The following DNAH5 variants were observed in gnomAD, a reference collection of about 807,000 sequenced individuals.
The protein encoded by DNAH5 is dynein axonemal heavy chain 5.
Under a neutral mutation model 518.2 loss-of-function variants are expected in DNAH5, and 372 were observed. That is an observed-to-expected ratio of 0.72 (90% CI 0.66 to 0.78). The LOEUF (loss-of-function observed/expected upper bound fraction) is 0.78, where lower values mean the gene tolerates loss of function less well. Among genes scored for constraint, DNAH5 ranks in the 30% least tolerant of loss-of-function variants. The pLI, the probability that DNAH5 is intolerant of heterozygous loss-of-function variation, is 0.00. For missense variants in DNAH5, 5,523 were observed against 5,687.0 expected, an observed-to-expected ratio of 0.97 and a Z score of 0.93; for synonymous variants, 2,039 against 2,025.9, an observed-to-expected ratio of 1.01 and a Z score of -0.17.
At chr5:13,860,870 T>C (rs2151902531) in intron 29 of DNAH5, among the ~76,000 whole-genome samples, 1 of 152,322 alleles carries the variant, frequency 6.6e-6, no homozygotes, top group East Asian at 1.9e-4. Context: ...TAATATGGAC[T>C]TGAAGTCGTA....
At chr5:13,880,603 A>G (rs936537563) in intron 21 of DNAH5, among the ~76,000 whole-genome samples, 10 of 152,030 alleles carry the variant, frequency 6.6e-5, no homozygotes, top group African/African-American at 2.4e-4. Context: ...AATCAAAACT[A>G]TGTTGTTACC....
chr5:13,938,640 A>T (rs1779181005), intron 1 of DNAH5, among the ~76,000 whole-genome samples: 1 of 152,094 alleles, frequency 6.6e-6, no homozygotes, highest in African/African-American at 2.4e-5. Context: ...GGTTTCTGGC[A>T]TTCAGTGGGG....
chr5:13,883,870 C>T (rs1772003940), intron 19 of DNAH5, among the ~76,000 whole-genome samples: 1 of 151,976 alleles, frequency 6.6e-6, no homozygotes, highest in East Asian at 1.9e-4. Flanking sequence ...AAAAAAAAAT[C>T]TTTCAGAGTT....
In DNAH5 at chr5:13,800,369, C is replaced by G. The variant is rs191975405; in HGVS notation, c.7888-6311G>C. Among the ~76,000 whole-genome samples the G allele has an allele frequency of 9.2e-5, 14 of 152,254 alleles. No individual in the cohort carries two copies. In the East Asian group the frequency reaches 2.3e-3, roughly 25 times the overall value. The stretch of plus-strand genomic sequence containing the variant: ...GGTTCCATAACATCACAAAAATAAG[C>G]ATATTCAAACATAAACTCCACTTCC... On this transcript the variant is annotated intron_variant, in intron 47 of 78. Transcript: ENST00000265104.
Position 13,788,754 on chromosome 5 carries a change from T to C in DNAH5, c.8609A>G (p.Tyr2870Cys), listed in dbSNP as rs1360204851. The change falls in exon 51 of 79, where the codon TAT (tyrosine) becomes TGT (cysteine). Residue 2870 changes from tyrosine to cysteine, a missense_variant. Coordinates refer to ENST00000265104, the MANE Select transcript of DNAH5 (RefSeq NM_001369.3). ...KLLVDCGIDT[Y>C]FVDFLRDAPE... ...TGCATCTCTCAAGAAATCCACAAAA[T>C]ATGTGTCAATTCCACAATCCACCAA... 1.9e-6 allele frequency: 3 copies of C among 1,614,006 alleles called. No individual in the cohort carries two copies. The highest frequency in any genetic ancestry group is 8.5e-7 in the Non-Finnish European group (1 of 1,180,018).
At chr5:13,841,668 A>G (rs1481053097) in intron 33 of DNAH5, 24 bp downstream of exon 33, 5 of 1,564,054 alleles carry the variant, frequency 3.2e-6, no homozygotes, top group Non-Finnish European at 4.4e-6. Context: ...TACAAAACAT[A>G]CTTTCAAATT....
At chr5:13,772,728 C>G (rs1353965549) in intron 55 of DNAH5, among the ~76,000 whole-genome samples, 2 of 152,102 alleles carry the variant, frequency 1.3e-5, no homozygotes, top group African/African-American at 4.8e-5. Context: ...AATCCAGTAT[C>G]AGCCCTAGGG....
At chr5:13,919,409 T>TATA in intron 6 of DNAH5, 57 bp from the exon 7 acceptor site, 1 of 1,588,520 alleles carries the variant, frequency 6.3e-7, no homozygotes, top group South Asian at 1.1e-5. Context: ...ACGCTAAAGT[T>TATA]ATAAACAAGC....
Position 13,792,235 on chromosome 5 carries a change from A to G in DNAH5, c.8225-18T>C, listed in dbSNP as rs752988712. On this transcript the variant is annotated intron_variant, in intron 49 of 78. Coordinates refer to ENST00000265104, the MANE Select transcript of DNAH5 (RefSeq NM_001369.3). ...AATCACACCTGAAAAGGGGGAAATT[A>G]CAGCATTTTGATTAGCCATTCAAAG... 7 of 1,601,100 alleles carry G rather than the reference A, an allele frequency of 4.4e-6. No individual in the cohort carries two copies. In the South Asian group the frequency reaches 7.7e-5, roughly 18 times the overall value.
At chr5:13,829,837 G>A (rs138404294) in intron 37 of DNAH5, 133 bp from the exon 38 acceptor site, 118 of 1,116,960 alleles carry the variant, frequency 1.1e-4, no homozygotes, top group African/African-American at 3.0e-4. Context: ...TCTCAATCTC[G>A]TTTTACCTGG....
intron 65 of DNAH5, among the ~76,000 whole-genome samples, chr5:13,743,226 A>C (rs1381759260): frequency 6.6e-6 from 1 of 152,100 alleles, no homozygotes; most frequent in Non-Finnish European, 1.5e-5. Context: ...ATGATAGATA[A>C]AAGTAAAGAT....
At chr5:13,720,918 G>A in intron 71 of DNAH5, 82 bp downstream of exon 71, 7 of 1,584,114 alleles carry the variant, frequency 4.4e-6, no homozygotes, top group Non-Finnish European at 6.1e-6. Flanking sequence ...AACTCCTAAT[G>A]ATTTATATTT....
Position 13,913,514 on chromosome 5 carries a change from T to C in DNAH5, c.1536+229A>G, listed in dbSNP as rs1776271848. Among the ~76,000 whole-genome samples the C allele has an allele frequency of 2.0e-5, 3 of 152,270 alleles. No individual in the cohort carries two copies. The South Asian group carries it at 6.2e-4, about 32-fold the overall frequency. The stretch of plus-strand genomic sequence containing the variant: ...ATGCTTTTTTAATGGTGATTAATTT[T>C]AGACTATTGGAAAGTCATTCTTATA... On this transcript the variant is annotated intron_variant, in intron 11 of 78. Coordinates refer to ENST00000265104, the MANE Select transcript of DNAH5 (RefSeq NM_001369.3).
chr5:13,877,747 C>T (rs1418158080), intron 21 of DNAH5, among the ~76,000 whole-genome samples: 1 of 152,200 alleles, frequency 6.6e-6, no homozygotes. Flanking sequence ...GGCTTTGGAC[C>T]TCACATGTAT....
chr5:13,700,817 C>A lies in DNAH5; in HGVS notation c.13546G>T (p.Glu4516Ter). 6.2e-7 allele frequency: 1 copy of A among 1,614,142 alleles called. No homozygotes were observed. Among genetic ancestry groups the A allele is most frequent in the Non-Finnish European group, 8.5e-7 (1 of 1,180,012 alleles). ...TCGTCCTTCATCCATTTGGTGACTT[C>A]ATTGCAAAGCACCATATTGTCCAGA... ...WALDNMVLCN[E>*]VTKWMKDDIS... The change falls in exon 78 of 79, where the codon GAA (glutamate) becomes TAA (stop). Residue 4516 changes from glutamate to a stop codon, truncating the protein, a stop_gained. Coordinates refer to ENST00000265104, the MANE Select transcript of DNAH5 (RefSeq NM_001369.3). LOFTEE classifies it high-confidence loss of function.
intron 21 of DNAH5, among the ~76,000 whole-genome samples, chr5:13,881,750 T>C (rs1281551527): frequency 6.6e-6 from 1 of 151,692 alleles, no homozygotes; most frequent in African/African-American, 2.4e-5. Context: ...CTCAAATACA[T>C]AACCTAAAAT....
At chr5:13,812,255 CAG>C (rs1266200251) in intron 43 of DNAH5, among the ~76,000 whole-genome samples, 3 of 152,110 alleles carry the variant, frequency 2.0e-5, no homozygotes, top group Admixed American at 6.6e-5. Flanking sequence ...GGAAATAACT[CAG>C]GGGGGAAAAG....
Position 13,844,838 on chromosome 5 carries a change from T to C in DNAH5, c.5270A>G (p.Lys1757Arg), listed in dbSNP as rs145055596. The C allele has an allele frequency of 6.2e-7, 1 of 1,614,178 alleles. No individual in the cohort carries two copies. ...GCCTGCCATTAGAATTAGGCGAACC[T>C]TTTCGTGGAACTTGACAGATTTAAT... ...DNIKSVKFHE[K>R]IYDRILSISS... is the part of the protein sequence containing the mutation. Residue 1757 changes from lysine (K) to arginine (R), a missense_variant and splice_region_variant, in exon 32 of 79, where the codon AAG becomes AGG. By Grantham distance (26) the Lys-to-Arg change is conservative. This residue lies in a region of DNAH5 where 5,121 missense variants were observed against 5,223.3 expected (regional missense o/e 0.98). Coordinates refer to ENST00000265104, the MANE Select transcript of DNAH5 (RefSeq NM_001369.3).
intron 75 of DNAH5, 114 bp downstream of exon 75, chr5:13,714,291 G>T (rs2126491749): frequency 3.4e-6 from 4 of 1,160,954 alleles, no homozygotes; most frequent in Non-Finnish European, 3.8e-6. Flanking sequence ...GTTTTTAAAA[G>T]AATGTTTTTT....
Sources: gnomAD v4.1 joint callset for allele counts (sites outside exome capture counted in the v4.1 genomes callset) on GRCh38, gnomAD v4.1.1 for gene constraint, gnomAD v4.1.1 regional missense constraint, MANE v1.5 for transcripts, NCBI Gene and HGNC (gene_info 2026-07-23, HGNC 2026-07-21) for gene names.